SEPTIN3: variants seen among roughly 807,000 people sequenced by gnomAD.
SEPTIN3 encodes the protein septin 3, also known as neuronal-specific septin-3.
SEPTIN3 carries 15 observed loss-of-function variants against 45.1 expected under a neutral mutation model. That is an observed-to-expected ratio of 0.33 (90% CI 0.22 to 0.51). The LOEUF is 0.51. Among genes scored for constraint, SEPTIN3 ranks in the 20% least tolerant of loss-of-function variants. SEPTIN3 has a pLI of 0.97. For synonymous variants in SEPTIN3, 148 were observed against 164.8 expected, an observed-to-expected ratio of 0.90 and a Z score of 0.78; for missense variants, 289 against 457.2, an observed-to-expected ratio of 0.63 and a Z score of 3.35.
intron 3 of SEPTIN3, among the ~76,000 whole-genome samples, chr22:41,982,930 C>T (rs2078145791): frequency 1.3e-5 from 2 of 151,944 alleles, no homozygotes; most frequent in South Asian, 4.1e-4. Flanking sequence ...AGGAAGGGAC[C>T]TTTGCCCCGT....
In SEPTIN3 at chr22:41,986,065, G is replaced by A. The variant is rs200659820; in HGVS notation, c.1778G>A (p.Arg593Gln). Residue 593 changes from arginine to glutamine, a missense_variant, in exon 4 of 12, where the codon CGG becomes CAG. Around this residue, in one of 3 missense-constraint regions of SEPTIN3, gnomAD observed 200 missense variants for 315.1 expected, o/e 0.63. Transcript: ENST00000644076. ...AGCCGCAAGGCCTCCAGCTGGAACC[G>A]GGAGGAGAAGATCCCCAAGACAGTG... ...QVSRKASSWN[R>Q]EEKIPKTVEI... 11 of 1,613,644 alleles carry A rather than the reference G, an allele frequency of 6.8e-6. No individual in the cohort carries two copies. The highest frequency in any genetic ancestry group is 3.3e-5 in the South Asian group (3 of 91,038).
rs1473717604 is a variant in SEPTIN3 at position 41,997,048 on chromosome 22, T to C, written c.*81T>C. 39 of 1,604,396 alleles carry C rather than the reference T, an allele frequency of 2.4e-5. No homozygotes were observed. The highest frequency in any genetic ancestry group is 3.2e-5 in the Non-Finnish European group (38 of 1,175,702). On this transcript the variant is annotated 3_prime_UTR_variant, in exon 12 of 12. Transcript: ENST00000644076. ...GGCCAAGCCCTTTTTAGTGCTGTGC[T>C]CGTCCAGCTCACCACCACAGCCCCT...
intron 7 of SEPTIN3, 150 bp from the exon 8 acceptor site, chr22:41,991,423 G>GCGGAAA: frequency 1.5e-6 from 1 of 659,276 alleles, no homozygotes; most frequent in South Asian, 1.8e-5. Flanking sequence ...CCATCTTCCT[G>GCGGAAA]CTGCTCAGGG....
chr22:41,974,678 GA>G (rs948603033), intron 2 of SEPTIN3, among the ~76,000 whole-genome samples: 107 of 135,158 alleles, frequency 7.9e-4, no homozygotes, highest in African/African-American at 2.9e-3. Context: ...AAAAAAAAAA[GA>G]AAAAAAACTA....
chr22:41,998,185 T>C lies in SEPTIN3; in HGVS notation c.*1218T>C, dbSNP rs935100482. 5 of 152,828 alleles carry C rather than the reference T, an allele frequency of 3.3e-5. No individual in the cohort carries two copies. The highest frequency in any genetic ancestry group is 5.9e-5 in the Non-Finnish European group (4 of 68,038). 9.5% of individuals were successfully genotyped at this position (152,828 alleles called of 1,614,324 possible). The stretch of plus-strand genomic sequence containing the variant: ...GTCCTGTAATTGTTGCTAGACTTTA[T>C]GTGTTGTACAACTAAACATTGCTGT... On this transcript the variant is annotated 3_prime_UTR_variant, in exon 12 of 12. Coordinates refer to ENST00000644076, the MANE Select transcript of SEPTIN3 (RefSeq NM_001363845.2).
intron 2 of SEPTIN3, among the ~76,000 whole-genome samples, chr22:41,974,860 G>GAAAAAAAAA (rs55642127): frequency 1.7e-4 from 13 of 74,298 alleles, no homozygotes; most frequent in African/African-American, 5.6e-4. Context: ...GTCTCAAAAA[G>GAAAAAAAAA]AAAAAAAAAA....
chr22:41,990,468 G>T (rs999233788), intron 7 of SEPTIN3, among the ~76,000 whole-genome samples: 4 of 151,856 alleles, frequency 2.6e-5, no homozygotes, highest in African/African-American at 9.7e-5. Context: ...CAATCCAGTT[G>T]GGCGTGGTGG....
intron 2 of SEPTIN3, among the ~76,000 whole-genome samples, chr22:41,975,410 C>T (rs1471683243): frequency 6.6e-6 from 1 of 152,174 alleles, no homozygotes; most frequent in Admixed American, 6.5e-5. Context: ...TTTCCCTCCA[C>T]CCCACACACT....
At chr22:41,989,536 C>T (rs2146711330) in intron 6 of SEPTIN3, 31 bp from the exon 7 acceptor site, 2 of 1,472,544 alleles carry the variant, frequency 1.4e-6, no homozygotes, top group East Asian at 4.5e-5. Flanking sequence ...GGCAAGGTGG[C>T]TCTGATGATT....
intron 7 of SEPTIN3, among the ~76,000 whole-genome samples, chr22:41,991,129 T>C (rs2078308280): frequency 6.6e-6 from 1 of 151,958 alleles, no homozygotes; most frequent in East Asian, 1.9e-4. Flanking sequence ...AGGTCCTGGA[T>C]GGTTTCCTGG....
intron 4 of SEPTIN3, 131 bp from the exon 5 acceptor site, chr22:41,987,075 G>T (rs2078221697): frequency 3.3e-6 from 2 of 605,522 alleles, no homozygotes; most frequent in South Asian, 2.3e-5. Flanking sequence ...AGATGGAAAA[G>T]ACCCTAAATT....
chr22:41,977,324 G>A (rs976270325), intron 2 of SEPTIN3, among the ~76,000 whole-genome samples: 1 of 151,952 alleles, frequency 6.6e-6, no homozygotes. Context: ...CGCACAGAAA[G>A]CCCCATGCTG....
chr22:41,988,627 C>G (rs931055860), intron 6 of SEPTIN3, among the ~76,000 whole-genome samples: 1 of 152,112 alleles, frequency 6.6e-6, no homozygotes, highest in Non-Finnish European at 1.5e-5. Context: ...GGCTTCGACC[C>G]CCTGGTCAGA....
intron 3 of SEPTIN3, chr22:41,985,519 G>T (rs910779220): frequency 6.2e-6 from 1 of 161,246 alleles, no homozygotes; most frequent in African/African-American, 2.4e-5. Context: ...TGAGGATAAA[G>T]ATAGTTCTGC....
intron 6 of SEPTIN3, among the ~76,000 whole-genome samples, chr22:41,989,223 GA>G (rs2078260813): frequency 6.7e-6 from 1 of 150,298 alleles, no homozygotes; most frequent in South Asian, 2.1e-4. Flanking sequence ...AAGGAAAAAA[GA>G]CACACACGCA....
Position 41,994,958 on chromosome 22 carries a change from T to C in SEPTIN3, c.2505+244T>C, listed in dbSNP as rs1220462100. Reference sequence around the variant, plus strand: ...GAGCGAGAGAGCCTGTGTGTGTGCATGCAGGGGTGAGGTATTTTCACTGCC... The same window carrying C: ...GAGCGAGAGAGCCTGTGTGTGTGCACGCAGGGGTGAGGTATTTTCACTGCC... On this transcript the variant is annotated intron_variant, in intron 11 of 11. Coordinates refer to ENST00000644076, the MANE Select transcript of SEPTIN3 (RefSeq NM_001363845.2). This position sits in a 1 kb window ranked among gnomAD's most constrained non-coding sequence, Gnocchi z 4.2. The C allele has an allele frequency of 7.8e-6, 11 of 1,405,516 alleles. No individual in the cohort carries two copies. The highest frequency in any genetic ancestry group is 1.0e-5 in the Non-Finnish European group (11 of 1,079,160). 87.1% of individuals were successfully genotyped at this position (1,405,516 alleles called of 1,614,324 possible).
At chr22:41,992,109 GT>G (rs2078328276) in intron 8 of SEPTIN3, among the ~76,000 whole-genome samples, 2 of 152,244 alleles carry the variant, frequency 1.3e-5, no homozygotes, top group South Asian at 4.1e-4. Context: ...GCTGGGCGTG[GT>G]GACTCATGCC....
chr22:41,987,941 C>T (rs1473124466), intron 6 of SEPTIN3, among the ~76,000 whole-genome samples, 182 bp downstream of exon 6: 1 of 152,110 alleles, frequency 6.6e-6, no homozygotes, highest in Non-Finnish European at 1.5e-5. Flanking sequence ...AGACTTTCCA[C>T]GAGGAAGTTT....
At position 41,994,945 on chromosome 22, in the gene SEPTIN3, C is replaced by CTG; in HGVS notation, c.2505+240_2505+241dup. 7.0e-7 allele frequency: 1 copy of CTG among 1,422,792 alleles called. No individual in the cohort carries two copies. Among genetic ancestry groups the CTG allele is most frequent in the Non-Finnish European group, 9.2e-7 (1 of 1,089,818 alleles). 88.1% of individuals were successfully genotyped at this position (1,422,792 alleles called of 1,614,324 possible). On this transcript the variant is annotated intron_variant, in intron 11 of 11. Transcript: ENST00000644076. This position sits in a 1 kb window ranked among gnomAD's most constrained non-coding sequence, Gnocchi z 4.2. ...TGTGACAGAGAGAGAGCGAGAGAGC[C>CTG]TGTGTGTGTGCATGCAGGGGTGAGG...
Sources: allele counts gnomAD v4.1 joint callset (sites outside exome capture counted in the v4.1 genomes callset), GRCh38; gene constraint gnomAD v4.1.1; regional missense constraint gnomAD v4.1.1; non-coding constraint Gnocchi (gnomAD v3.1); transcripts MANE v1.5; gene names NCBI Gene and HGNC (gene_info 2026-07-23, HGNC 2026-07-21).